HS6ST3: variants seen among roughly 807,000 people sequenced by gnomAD.
HS6ST3 encodes heparan-sulfate 6-O-sulfotransferase 3.
HS6ST3 carries 12 observed loss-of-function variants against 36.7 expected under a neutral mutation model. The ratio of observed to expected loss-of-function variants is 0.33; its 90% CI spans 0.21 to 0.53. HS6ST3 has a LOEUF of 0.53. HS6ST3 is among the 20% of genes least tolerant of loss of function. The pLI is 0.95. For synonymous variants in HS6ST3, 240 were observed against 257.5 expected, an observed-to-expected ratio of 0.93 and a Z score of 0.65; for missense variants, 584 against 640.9, an observed-to-expected ratio of 0.91 and a Z score of 0.96.
At chr13:96,348,053 A>C (rs2055164203) in intron 1 of HS6ST3, among the ~76,000 whole-genome samples, 1 of 152,204 alleles carries the variant, frequency 6.6e-6, no homozygotes, top group Non-Finnish European at 1.5e-5. Flanking sequence ...TTTTGAATAA[A>C]TTTAAATGTC....
At position 96,564,669 on chromosome 13, in the gene HS6ST3, C is replaced by A. The variant is rs1377495583; in HGVS notation, c.708-267821C>A. 2.0e-5 allele frequency among the ~76,000 whole-genome samples: 3 copies of A among 152,134 alleles called. No homozygotes were observed. In the East Asian group the frequency reaches 5.8e-4, roughly 29 times the overall value. ...ACAAAGAGCTCCTTAATTAAATTAG[C>A]AGAAATGGCACATGATCTCGCTACA... On this transcript the variant is annotated intron_variant, in intron 1 of 1. Coordinates refer to ENST00000376705, the MANE Select transcript of HS6ST3 (RefSeq NM_153456.4).
Position 96,612,282 on chromosome 13 carries a change from T to C in HS6ST3, c.708-220208T>C, listed in dbSNP as rs77266636. On this transcript the variant is annotated intron_variant, in intron 1 of 1. Coordinates refer to ENST00000376705, the MANE Select transcript of HS6ST3 (RefSeq NM_153456.4). Reference sequence around the variant, plus strand: ...CCACACCCTTTCTTCACATTTTTCATTTGGCTTCCCAGACCCCCACTCTTT... The same window carrying C: ...CCACACCCTTTCTTCACATTTTTCACTTGGCTTCCCAGACCCCCACTCTTT... Among the ~76,000 whole-genome samples the C allele has an allele frequency of 5.6e-3, 859 of 152,160 alleles. 5 individuals are homozygous for C. The highest frequency in any genetic ancestry group is 0.02 in the African/African-American group (811 of 41,508).
intron 1 of HS6ST3, among the ~76,000 whole-genome samples, chr13:96,705,727 C>T (rs1008757567): frequency 7.2e-5 from 11 of 152,172 alleles, no homozygotes; most frequent in African/African-American, 2.7e-4. Context: ...AGGAACCTCA[C>T]AGGCAAGCAA....
chr13:96,635,903 A>C (rs757936094), intron 1 of HS6ST3, among the ~76,000 whole-genome samples: 2 of 152,174 alleles, frequency 1.3e-5, no homozygotes, highest in Non-Finnish European at 2.9e-5. Flanking sequence ...GGGTATAGAA[A>C]CCACCAACTC....
chr13:96,340,497 G>A (rs1293286566), intron 1 of HS6ST3, among the ~76,000 whole-genome samples: 3 of 152,202 alleles, frequency 2.0e-5, no homozygotes, highest in Non-Finnish European at 4.4e-5. Flanking sequence ...TTAGCAGAAC[G>A]CCTGGCATAG....
intron 1 of HS6ST3, among the ~76,000 whole-genome samples, chr13:96,610,842 CTGAAAAAAA>C (rs1454835572): frequency 6.7e-6 from 1 of 149,244 alleles, no homozygotes; most frequent in Non-Finnish European, 1.5e-5. Flanking sequence ...TGTAGCTGTG[CTGAAAAAAA>C]TGAAAAAAAA....
At chr13:96,385,485 C>T (rs1458895049) in intron 1 of HS6ST3, among the ~76,000 whole-genome samples, 1 of 151,876 alleles carries the variant, frequency 6.6e-6, no homozygotes, top group African/African-American at 2.4e-5. Flanking sequence ...GTAGATAAGT[C>T]CCTCACTGGC....
chr13:96,498,803 T>C (rs2055989638), intron 1 of HS6ST3, among the ~76,000 whole-genome samples: 1 of 152,126 alleles, frequency 6.6e-6, no homozygotes, highest in Non-Finnish European at 1.5e-5. Flanking sequence ...CCCGTTCTTA[T>C]TTGGTTTGTT....
chr13:96,826,254 G>C (rs542614717), intron 1 of HS6ST3, among the ~76,000 whole-genome samples: 2 of 152,102 alleles, frequency 1.3e-5, no homozygotes, highest in African/African-American at 4.8e-5. Flanking sequence ...AAGTGCATTA[G>C]AAGATTATAT....
chr13:96,285,810 C>T (rs922887668), intron 1 of HS6ST3, among the ~76,000 whole-genome samples: 1 of 152,090 alleles, frequency 6.6e-6, no homozygotes. Flanking sequence ...ATGGATAGAT[C>T]CAGGGGCTTA....
At chr13:96,734,315 C>T (rs952132921) in intron 1 of HS6ST3, among the ~76,000 whole-genome samples, 1 of 152,230 alleles carries the variant, frequency 6.6e-6, no homozygotes, top group Non-Finnish European at 1.5e-5. Context: ...CATAGACTTT[C>T]TTCCTAGGTC....
At chr13:96,245,443 A>G (rs1278275300) in intron 1 of HS6ST3, among the ~76,000 whole-genome samples, 2 of 152,188 alleles carry the variant, frequency 1.3e-5, no homozygotes, top group African/African-American at 4.8e-5. Flanking sequence ...CTGTCAATTC[A>G]GAGTTTCCTC....
At chr13:96,764,555 A>C (rs1253541893) in intron 1 of HS6ST3, among the ~76,000 whole-genome samples, 2 of 152,236 alleles carry the variant, frequency 1.3e-5, no homozygotes, top group African/African-American at 4.8e-5. Context: ...GATTAGATAC[A>C]GAAGGTAGAT....
intron 1 of HS6ST3, among the ~76,000 whole-genome samples, chr13:96,415,223 C>T (rs1166122520): frequency 6.6e-6 from 1 of 152,072 alleles, no homozygotes; most frequent in Admixed American, 6.5e-5. Flanking sequence ...TGTCTGGGAA[C>T]ATGATGTTCT....
At chr13:96,657,931 C>A (rs1480692714) in intron 1 of HS6ST3, among the ~76,000 whole-genome samples, 1 of 152,120 alleles carries the variant, frequency 6.6e-6, no homozygotes, top group Non-Finnish European at 1.5e-5. Flanking sequence ...TGAGGAAGCA[C>A]AATGAAACTG....
In HS6ST3 at chr13:96,832,783, A is replaced by G. The variant is rs1200274366; in HGVS notation, c.1001A>G (p.Asn334Ser). 1 of 1,614,178 alleles carries G rather than the reference A, an allele frequency of 6.2e-7. No homozygotes were observed. The highest frequency in any genetic ancestry group is 8.5e-7 in the Non-Finnish European group (1 of 1,180,024). ...ACTTTCATGAACGAGAGTGAAAGAA[A>G]CACCATCCTGTTGCAGAGTGCAAAG... ...NLTFMNESER[N>S]TILLQSAKNN... The change falls in exon 2 of 2, where the codon AAC (asparagine) becomes AGC (serine). Residue 334 changes from asparagine (N) to serine (S), a missense_variant. Around this residue, in one of 3 missense-constraint regions of HS6ST3, gnomAD observed 360 missense variants for 411.3 expected, o/e 0.88. Coordinates refer to ENST00000376705, the MANE Select transcript of HS6ST3 (RefSeq NM_153456.4).
intron 1 of HS6ST3, among the ~76,000 whole-genome samples, chr13:96,649,162 A>G (rs1294440801): frequency 2.0e-5 from 3 of 152,070 alleles, no homozygotes; most frequent in Non-Finnish European, 4.4e-5. Flanking sequence ...TAATAAAGAC[A>G]TAACTGAGAC....
chr13:96,747,666 A>G (rs1484204522), intron 1 of HS6ST3, among the ~76,000 whole-genome samples: 2 of 152,062 alleles, frequency 1.3e-5, no homozygotes, highest in African/African-American at 2.4e-5. Context: ...CTACTAATAT[A>G]TATATACACA....
chr13:96,534,191 TATGAC>T (rs1323904231), intron 1 of HS6ST3, among the ~76,000 whole-genome samples: 11 of 152,160 alleles, frequency 7.2e-5, no homozygotes, highest in Non-Finnish European at 1.6e-4. Context: ...CCCTACAGCA[TATGAC>T]ACATAGACTG....
Sources: allele counts gnomAD v4.1 joint callset (sites outside exome capture counted in the v4.1 genomes callset), GRCh38; gene constraint gnomAD v4.1.1; regional missense constraint gnomAD v4.1.1; transcripts MANE v1.5; gene names NCBI Gene and HGNC (gene_info 2026-07-23, HGNC 2026-07-21).